SLC7A5: variants seen among roughly 807,000 people sequenced by gnomAD.
The protein encoded by SLC7A5 is solute carrier family 7 member 5, also known as large neutral amino acids transporter small subunit 1.
SLC7A5 carries 23 observed loss-of-function variants against 50.2 expected under a neutral mutation model. The ratio of observed to expected loss-of-function variants is 0.46; its 90% CI spans 0.33 to 0.65. The LOEUF is 0.65. Among genes scored for constraint, SLC7A5 ranks in the 30% least tolerant of loss-of-function variants. SLC7A5 has a pLI of 0.02. For synonymous variants in SLC7A5, 393 were observed against 330.6 expected (o/e 1.19, Z -2.05); for missense variants, 578 against 684.4 (o/e 0.84, Z 1.73).
At chr16:87,834,733 C>T in intron 8 of SLC7A5, 142 bp from the exon 9 acceptor site, 2 of 826,540 alleles carry the variant, frequency 2.4e-6, no homozygotes, top group Non-Finnish European at 4.0e-6. Context: ...TGCACTCCAT[C>T]TGCCTCACAC....
rs1028775401 is a variant in SLC7A5, at chr16:87,835,909, G to C, written c.1290+589C>G. ...GCCAGCTGAGTGACAAAAGCTGCTG[G>C]CTAGCAGCCACCAGGGGCTCTGGCC... On this transcript the variant is annotated intron_variant, in intron 8 of 9. Coordinates refer to ENST00000261622, the MANE Select transcript of SLC7A5 (RefSeq NM_003486.7). 5.3e-5 allele frequency among the ~76,000 whole-genome samples: 8 copies of C among 152,356 alleles called. No individual in the cohort carries two copies. In the East Asian group the frequency reaches 1.5e-3, roughly 29 times the overall value.
intron 8 of SLC7A5, among the ~76,000 whole-genome samples, chr16:87,834,884 C>T (rs150695844): frequency 3.9e-5 from 6 of 152,352 alleles, no homozygotes; most frequent in African/African-American, 9.6e-5. Context: ...GCTCCATTCC[C>T]ACATCACAGG....
In SLC7A5 at chr16:87,851,805, G is replaced by A. The variant is rs762829335; in HGVS notation, c.583C>T (p.Arg195Trp). 1.1e-5 allele frequency: 17 copies of A among 1,612,962 alleles called. No individual in the cohort carries two copies. The highest frequency in any genetic ancestry group is 6.7e-5 in the East Asian group (3 of 44,884). The change falls in exon 2 of 10, where the codon CGG becomes TGG. Residue 195 changes from arginine to tryptophan, a missense_variant. Physicochemically the swap from Arg to Trp is moderately radical, Grantham distance 101 (BLOSUM62 -3). Coordinates refer to ENST00000261622, the MANE Select transcript of SLC7A5 (RefSeq NM_003486.7). Reference protein sequence around the residue: ...VNCYSVKAATRVQDAFAAAKL... With the variant: ...VNCYSVKAATWVQDAFAAAKL... The stretch of plus-strand genomic sequence containing the variant: ...GCGGCGGCAAAGGCATCCTGGACCC[G>A]GGTGGCGGCCTTCACGCTGTAGCAG...
intron 1 of SLC7A5, among the ~76,000 whole-genome samples, chr16:87,864,585 C>T (rs752266224): frequency 2.6e-5 from 4 of 152,192 alleles, no homozygotes; most frequent in East Asian, 3.9e-4. Context: ...CCCACCTCTG[C>T]GACAGCACTC....
rs746525918 is a variant in SLC7A5, at chr16:87,837,866, G to A, written c.1119C>T (p.Pro373=). 7.5e-6 allele frequency: 12 copies of A among 1,606,964 alleles called. No individual in the cohort carries two copies. The highest frequency in any genetic ancestry group is 1.6e-4 in the Middle Eastern group (1 of 6,062). ...LSMIHPQLLT[P]VPSLVFTCVM... ...TTACCGTGAACACGAGGGACGGCACGGGGGTGAGGAGCTGTGGGTGGATCA... is the reference window on the plus strand; with the variant it reads ...TTACCGTGAACACGAGGGACGGCACAGGGGTGAGGAGCTGTGGGTGGATCA... Residue 373 remains proline (P), a synonymous_variant, in exon 7 of 10, where the codon CCC becomes CCT. Coordinates refer to ENST00000261622, the MANE Select transcript of SLC7A5 (RefSeq NM_003486.7).
chr16:87,844,392 A>C (rs1567492383), intron 2 of SLC7A5, among the ~76,000 whole-genome samples: 2 of 152,130 alleles, frequency 1.3e-5, no homozygotes, highest in African/African-American at 4.8e-5. Flanking sequence ...ATTTCAGGGA[A>C]AAGTGGCCTT....
intron 1 of SLC7A5, among the ~76,000 whole-genome samples, chr16:87,867,374 C>T (rs1287775588): frequency 6.6e-6 from 1 of 152,208 alleles, no homozygotes; most frequent in African/African-American, 2.4e-5. Flanking sequence ...CCCCTACATT[C>T]ACATCTCCAA....
chr16:87,838,003 G>A (rs1162984808), intron 6 of SLC7A5, 62 bp from the exon 7 acceptor site: 3 of 1,300,060 alleles, frequency 2.3e-6, no homozygotes, highest in Non-Finnish European at 1.1e-6. Flanking sequence ...GTGGACAGGG[G>A]ACACGCAGGC....
At chr16:87,854,996 G>T (rs1437000197) in intron 1 of SLC7A5, among the ~76,000 whole-genome samples, 1 of 152,232 alleles carries the variant, frequency 6.6e-6, no homozygotes, top group African/African-American at 2.4e-5. Flanking sequence ...GTGAAGGAAG[G>T]ACAGCCCTGG....
intron 1 of SLC7A5, among the ~76,000 whole-genome samples, chr16:87,856,978 C>T (rs1297519453): frequency 6.6e-6 from 1 of 150,676 alleles, no homozygotes; most frequent in South Asian, 2.1e-4. Flanking sequence ...AGCACAGGCG[C>T]GTGCTTCCCT....
chr16:87,835,553 G>A (rs959844928), intron 8 of SLC7A5, among the ~76,000 whole-genome samples: 3 of 152,170 alleles, frequency 2.0e-5, no homozygotes, highest in African/African-American at 2.4e-5. Context: ...ACAGTGGCGC[G>A]ACCTCGGCCT....
In SLC7A5 at chr16:87,860,991, A is replaced by G. The variant is rs2055390693; in HGVS notation, c.538+7894T>C. Among the ~76,000 whole-genome samples the G allele has an allele frequency of 6.6e-6, 1 of 152,226 alleles. No individual in the cohort carries two copies. Among genetic ancestry groups the G allele is most frequent in the African/African-American group, 2.4e-5 (1 of 41,468 alleles). On this transcript the variant is annotated intron_variant, in intron 1 of 9. Transcript: ENST00000261622. The surrounding 1 kb of genome is among the most constrained non-coding windows in gnomAD (Gnocchi z 4.8). ...CAGAGGGAGAATTCAGGATTCGGCC[A>G]GTATCAGGGAAGGAGACGCTGTGGG...
rs933552421 is a variant in SLC7A5, at chr16:87,832,443, A to T, written c.*527T>A. 1 of 152,330 alleles carries T rather than the reference A, an allele frequency of 6.6e-6. No individual in the cohort carries two copies. Among genetic ancestry groups the T allele is most frequent in the Non-Finnish European group, 1.5e-5 (1 of 68,226 alleles). The allele number at this position is 152,330 out of a possible 1,614,324, so 9.4% of individuals were successfully genotyped here. A position where few individuals can be genotyped will look rare whatever the true frequency, so the allele number is the denominator to read the frequency against. On this transcript the variant is annotated 3_prime_UTR_variant, in exon 10 of 10. Coordinates refer to ENST00000261622, the MANE Select transcript of SLC7A5 (RefSeq NM_003486.7). The surrounding 1 kb of genome is among the most constrained non-coding windows in gnomAD (Gnocchi z 4.6). ...CTGAGTTTCCACTCTGCAAACCCTAAGGCAGAGACATAAGCCCACAGGGTT... is the reference window on the plus strand; with the variant it reads ...CTGAGTTTCCACTCTGCAAACCCTATGGCAGAGACATAAGCCCACAGGGTT...
At chr16:87,840,535 G>A in intron 3 of SLC7A5, 62 bp from the exon 4 acceptor site, 1 of 1,396,016 alleles carries the variant, frequency 7.2e-7, no homozygotes, top group Non-Finnish European at 1.0e-6. Flanking sequence ...AAATCACCGG[G>A]GAGAGAGCAT....
At chr16:87,863,154 T>TGACTGA (rs1326234999) in intron 1 of SLC7A5, among the ~76,000 whole-genome samples, 11 of 152,180 alleles carry the variant, frequency 7.2e-5, no homozygotes, top group South Asian at 2.1e-4. Context: ...CTTGGAGAAG[T>TGACTGA]GACTGAGACT....
At chr16:87,868,824 C>T (rs2055495564) in intron 1 of SLC7A5, 61 bp downstream of exon 1, 1 of 1,500,738 alleles carries the variant, frequency 6.7e-7, no homozygotes, top group South Asian at 1.2e-5. Context: ...CGTAGTGATG[C>T]AAGGATGCAG....
In SLC7A5 at chr16:87,834,448, C is replaced by T. The variant is rs1385483940; in HGVS notation, c.1434G>A (p.Trp478Ter). 6.4e-7 allele frequency: 1 copy of T among 1,559,562 alleles called. No individual in the cohort carries two copies. The highest frequency in any genetic ancestry group is 8.7e-7 in the Non-Finnish European group (1 of 1,151,404). Residue 478 changes from tryptophan to a stop codon, truncating the protein, a stop_gained, in exon 9 of 10, where the codon TGG becomes TGA. Transcript: ENST00000261622. LOFTEE classifies it high-confidence loss of function. ...GGAGGAGCCACTTGGGCTTGTTTTT[C>T]CACCAGACCCCGAAGAAGTAGACGG... ...GLPVYFFGVW[W>*]KNKPKWLLQG... is the part of the protein sequence containing the mutation.
At chr16:87,834,628 T>TGTCCAGCCTCCCTCCCCC in intron 8 of SLC7A5, 37 bp from the exon 9 acceptor site, 1 of 1,558,294 alleles carries the variant, frequency 6.4e-7, no homozygotes, top group Non-Finnish European at 8.7e-7. Flanking sequence ...AGCCCTCTCC[T>TGTCCAGCCTCCCTCCCCC]GTCCAGCCTC....
chr16:87,853,328 G>A lies in SLC7A5; in HGVS notation c.539-1479C>T, dbSNP rs73234408. Among the ~76,000 whole-genome samples the A allele has an allele frequency of 3.8e-3, 586 of 152,312 alleles. 2 individuals carry two copies. Among genetic ancestry groups the A allele is most frequent in the African/African-American group, 0.013 (560 of 41,574 alleles). On this transcript the variant is annotated intron_variant, in intron 1 of 9. Coordinates refer to ENST00000261622, the MANE Select transcript of SLC7A5 (RefSeq NM_003486.7). This position sits in a 1 kb window ranked among gnomAD's most constrained non-coding sequence, Gnocchi z 4.4. ...CTATCTCTCAGAAATTAACCACCCC[G>A]CTACAATTCTGTGGATGCCAGAGCG...
Sources: allele counts gnomAD v4.1 joint callset (sites outside exome capture counted in the v4.1 genomes callset), GRCh38; gene constraint gnomAD v4.1.1; non-coding constraint Gnocchi (gnomAD v3.1); transcripts MANE v1.5; gene names NCBI Gene and HGNC (gene_info 2026-07-23, HGNC 2026-07-21).